Variants in TEX38 observed in about 807,000 individuals in gnomAD.
TEX38 encodes the protein testis-expressed protein 38.
In TEX38, 5 loss-of-function variants were observed where a neutral mutation model predicts 2.7. That is an observed-to-expected ratio of 1.86 (90% confidence interval 0.97 to 3.90). The LOEUF is 3.90. Ranked by LOEUF, TEX38 falls within the 30% of genes most tolerant of loss-of-function variation. TEX38 has a pLI of 0.00. For missense variants in TEX38, 218 were observed against 247.9 expected, an observed-to-expected ratio of 0.88 and a Z score of 0.81; for synonymous variants, 110 against 103.3, an observed-to-expected ratio of 1.06 and a Z score of -0.39.
upstream of TEX38, among the ~76,000 whole-genome samples, chr1:46,670,363 T>C (rs543560029): frequency 3.9e-5 from 6 of 152,288 alleles, no homozygotes; most frequent in Admixed American, 6.5e-5. Flanking sequence ...GAGATACTAC[T>C]TATGAAGAGG....
intron 1 of TEX38, among the ~76,000 whole-genome samples, chr1:46,672,491 C>T (rs943356600): frequency 1.3e-5 from 2 of 152,164 alleles, no homozygotes; most frequent in Non-Finnish European, 2.9e-5. Flanking sequence ...GTGATCTGCC[C>T]ACCTGGGCCT....
At chr1:46,670,740 G>GA (rs1390400820), upstream of TEX38, among the ~76,000 whole-genome samples, 2 of 152,152 alleles carry the variant, frequency 1.3e-5, no homozygotes, top group African/African-American at 4.8e-5. Flanking sequence ...GTGGACCCTG[G>GA]AGAGAATTCT....
chr1:46,672,993 AG>A lies in TEX38; in HGVS notation c.160del (p.Val54Ter), dbSNP rs1676614273. On this transcript the variant is annotated frameshift_variant, in exon 2 of 2. Coordinates refer to ENST00000334122, the MANE Select transcript of TEX38 (RefSeq NM_001145474.4). LOFTEE classifies it low-confidence loss of function (END_TRUNC). Reference protein sequence around the residue: ...RREEHAQQWVEVMRAATFTYS... With the variant: ...RREEHAQQWVXVMRAATFTYS... ...GAAGAGCATGCCCAGCAGTGGGTGGAGGTGATGAGAGCTGCCACATTCACCT... is the reference window on the plus strand; with the variant it reads ...GAAGAGCATGCCCAGCAGTGGGTGGAGTGATGAGAGCTGCCACATTCACCT... 4 of 1,551,544 alleles carry A rather than the reference AG, an allele frequency of 2.6e-6. No individual in the cohort carries two copies. Among genetic ancestry groups the A allele is most frequent in the Non-Finnish European group, 3.5e-6 (4 of 1,146,984 alleles).
chr1:46,669,737 A>G (rs1404993262), upstream of TEX38, among the ~76,000 whole-genome samples: 7 of 152,130 alleles, frequency 4.6e-5, no homozygotes, highest in Admixed American at 1.3e-4. Flanking sequence ...CAGAGACCTG[A>G]AGGTAATGTG....
intron 1 of TEX38, 122 bp from the exon 2 acceptor site, chr1:46,672,751 A>T: frequency 1.2e-6 from 1 of 845,912 alleles, no homozygotes; most frequent in Non-Finnish European, 1.8e-6. Context: ...AGGAACGGTG[A>T]GAGTAGTTAA....
Position 46,673,195 on chromosome 1 carries a change from C to T in TEX38, c.360C>T (p.Pro120=). 6.4e-7 allele frequency: 1 copy of T among 1,551,012 alleles called. No homozygotes were observed. Among genetic ancestry groups the T allele is most frequent in the African/African-American group, 1.4e-5 (1 of 73,174 alleles). The change falls in exon 2 of 2, where the codon CCC becomes CCT. Residue 120 remains proline (P), a synonymous_variant. Transcript: ENST00000334122. ...GCCATGCTGACCAAGACAGCAACCC[C>T]AAGGCGGAAGCCCCTGCTCCCCTGC... The part of the protein sequence containing the change: ...GRSHADQDSN[P]KAEAPAPLQP...
At chr1:46,669,691 C>T (rs939608931), upstream of TEX38, among the ~76,000 whole-genome samples, 2 of 152,062 alleles carry the variant, frequency 1.3e-5, no homozygotes, top group Non-Finnish European at 2.9e-5. Context: ...AGAAAAACAG[C>T]AGGCCAAGAG....
At chr1:46,669,228 C>T (rs1181620127), upstream of TEX38, 4 of 354,742 alleles carry the variant, frequency 1.1e-5, no homozygotes, top group Admixed American at 7.3e-5. Flanking sequence ...TCATCAGGTC[C>T]TTCTTGTCTG....
chr1:46,669,460 C>T, upstream of TEX38: 1 of 456,086 alleles, frequency 2.2e-6, no homozygotes, highest in Non-Finnish European at 4.4e-6. Flanking sequence ...TCCTCATCAT[C>T]TAAGGGCTCA....
upstream of TEX38, among the ~76,000 whole-genome samples, chr1:46,671,414 AAAG>A (rs1331720090): frequency 1.3e-5 from 2 of 152,218 alleles, no homozygotes; most frequent in East Asian, 1.9e-4. Context: ...TGTTGGAGCC[AAAG>A]AAGGAGGTAT....
Position 46,673,488 on chromosome 1 carries a change from A to C in TEX38, c.*32A>C. The C allele has an allele frequency of 6.6e-7, 1 of 1,511,344 alleles. No individual in the cohort carries two copies. Among genetic ancestry groups the C allele is most frequent in the Non-Finnish European group, 8.9e-7 (1 of 1,123,376 alleles). The allele number at this position is 1,511,344 out of a possible 1,614,324, so 93.6% of individuals were successfully genotyped here. On this transcript the variant is annotated 3_prime_UTR_variant, in exon 2 of 2. Coordinates refer to ENST00000334122, the MANE Select transcript of TEX38 (RefSeq NM_001145474.4). ...CTCACTGAAGGTGGGAGCTGCAGGA[A>C]TCAGGTGCAGAGTAGGAAATGGAAC...
intron 1 of TEX38, 95 bp from the exon 2 acceptor site, chr1:46,672,778 A>C (rs908602865): frequency 8.9e-7 from 1 of 1,121,052 alleles, no homozygotes; most frequent in Non-Finnish European, 1.3e-6. Flanking sequence ...GGAGCGATTG[A>C]TGCATGGGTT....
upstream of TEX38, chr1:46,671,771 G>T (rs1432244027): frequency 2.7e-6 from 2 of 727,640 alleles, no homozygotes; most frequent in Admixed American, 4.2e-5. Context: ...ACTGCCCCTA[G>T]AATGCCCAAT....
chr1:46,672,983 C>G lies in TEX38; in HGVS notation c.148C>G (p.Gln50Glu). 6.4e-7 allele frequency: 1 copy of G among 1,551,680 alleles called. No homozygotes were observed. Among genetic ancestry groups the G allele is most frequent in the South Asian group, 1.2e-5 (1 of 84,062 alleles). The part of the protein sequence containing the change: ...KNLRREEHAQ[Q>E]WVEVMRAATF... ...CTTGAGGCGGGAAGAGCATGCCCAG[C>G]AGTGGGTGGAGGTGATGAGAGCTGC... is the stretch of plus-strand genomic sequence containing the variant. Residue 50 changes from glutamine to glutamate, a missense_variant, in exon 2 of 2, where the codon CAG (glutamine) becomes GAG (glutamate). Transcript: ENST00000334122.
intron 1 of TEX38, 34 bp downstream of exon 1, chr1:46,672,005 G>A: frequency 6.7e-7 from 1 of 1,498,734 alleles, no homozygotes; most frequent in East Asian, 2.5e-5. Flanking sequence ...CACTGGACTT[G>A]TGCCTTAGGG....
Position 46,673,443 on chromosome 1 carries a change from CTTCAGAACTGTAGCCTCCTCT to C in TEX38, c.609_*8del. 6.5e-7 allele frequency: 1 copy of C among 1,549,612 alleles called. No individual in the cohort carries two copies. Among genetic ancestry groups the C allele is most frequent in the Non-Finnish European group, 8.7e-7 (1 of 1,145,604 alleles). On this transcript the variant is annotated stop_lost and 3_prime_UTR_variant, in exon 2 of 2. Coordinates refer to ENST00000334122, the MANE Select transcript of TEX38 (RefSeq NM_001145474.4). ...CATAGCTTCAATGCCAAGCCTTTTC[CTTCAGAACTGTAGCCTCCTCT>C]CACTGAAGGTGGGAGCTGCAGGAAT...
At chr1:46,672,828 A>G in intron 1 of TEX38, 45 bp from the exon 2 acceptor site, 2 of 1,498,728 alleles carry the variant, frequency 1.3e-6, no homozygotes, top group Admixed American at 4.1e-5. Context: ...GCCCCAAGCT[A>G]CAGCTATCAG....
chr1:46,671,679 GGAA>G (rs933275530), upstream of TEX38: 2 of 510,964 alleles, frequency 3.9e-6, no homozygotes, highest in Non-Finnish European at 7.1e-6. Context: ...AGTCTCTGAT[GGAA>G]GTAGTAGTGA....
upstream of TEX38, among the ~76,000 whole-genome samples, chr1:46,670,629 G>A (rs1002061756): frequency 9.9e-5 from 15 of 152,122 alleles, no homozygotes. Context: ...TAAGAACTGA[G>A]CCCTAGACAT....
Sources: allele counts gnomAD v4.1 joint callset (sites outside exome capture counted in the v4.1 genomes callset), GRCh38; gene constraint gnomAD v4.1.1; transcripts MANE v1.5; gene names NCBI Gene and HGNC (gene_info 2026-07-23, HGNC 2026-07-21).